Variants in IMMP2L observed in about 807,000 individuals in gnomAD.
IMMP2L encodes the protein mitochondrial inner membrane protease subunit 2.
In IMMP2L, 18 loss-of-function variants were observed where a neutral mutation model predicts 19.3. The observed-to-expected ratio is 0.93, with a 90% CI of 0.64 to 1.38. IMMP2L has a LOEUF of 1.38. Ranked by LOEUF, IMMP2L falls within the 40% of genes most tolerant of loss-of-function variation. IMMP2L has a pLI of 0.00. For synonymous variants in IMMP2L, 76 were observed against 73.0 expected (o/e 1.04, Z -0.21); for missense variants, 233 against 218.2 (o/e 1.07, Z -0.43).
intron 5 of IMMP2L, among the ~76,000 whole-genome samples, chr7:110,798,627 C>T (rs1801029492): frequency 6.6e-6 from 1 of 151,942 alleles, no homozygotes; most frequent in Non-Finnish European, 1.5e-5. Context: ...TGCTAGAAAA[C>T]TAAATTTAAA....
intron 5 of IMMP2L, among the ~76,000 whole-genome samples, chr7:110,826,175 A>G (rs554641748): frequency 4.7e-4 from 72 of 152,334 alleles, no homozygotes; most frequent in South Asian, 4.6e-3. Context: ...ATCATTAAAA[A>G]GTCAGGAAAC....
At chr7:111,045,266 T>C (rs2129571688) in intron 3 of IMMP2L, among the ~76,000 whole-genome samples, 1 of 152,322 alleles carries the variant, frequency 6.6e-6, no homozygotes, top group Admixed American at 6.5e-5. Context: ...ACTCAATCCA[T>C]TAGTAAATTC....
intron 3 of IMMP2L, among the ~76,000 whole-genome samples, chr7:111,031,569 A>G (rs1184717008): frequency 6.6e-6 from 1 of 152,176 alleles, no homozygotes; most frequent in South Asian, 2.1e-4. Flanking sequence ...ACAAGCCTAC[A>G]CAGATATAAA....
intron 4 of IMMP2L, among the ~76,000 whole-genome samples, chr7:110,916,810 T>A (rs1813663548): frequency 6.6e-6 from 1 of 152,240 alleles, no homozygotes; most frequent in East Asian, 1.9e-4. Flanking sequence ...AATCAATGCT[T>A]CTATATTTGA....
chr7:111,344,606 T>C (rs1007939583), intron 3 of IMMP2L, among the ~76,000 whole-genome samples: 1 of 152,210 alleles, frequency 6.6e-6, no homozygotes, highest in Non-Finnish European at 1.5e-5. Flanking sequence ...ATAGGTGTAA[T>C]ATATGCAGAC....
At chr7:111,496,978 T>C (rs1843655756) in intron 2 of IMMP2L, among the ~76,000 whole-genome samples, 1 of 152,188 alleles carries the variant, frequency 6.6e-6, no homozygotes, top group South Asian at 2.1e-4. Flanking sequence ...TGAGATCTAA[T>C]TATAATATAA....
chr7:111,478,367 A>G (rs576088150), intron 3 of IMMP2L, among the ~76,000 whole-genome samples: 1 of 152,080 alleles, frequency 6.6e-6, no homozygotes, highest in South Asian at 2.1e-4. Flanking sequence ...CCACCTTTTC[A>G]TCACTTTAAA....
At chr7:110,735,846 CAAAAAAAAAAA>C (rs59078426) in intron 5 of IMMP2L, among the ~76,000 whole-genome samples, 1 of 47,628 alleles carries the variant, frequency 2.1e-5, no homozygotes, top group South Asian at 1.3e-3. Context: ...CACTCTGCCT[CAAAAAAAAAAA>C]AAAAAAAAAA....
intron 3 of IMMP2L, among the ~76,000 whole-genome samples, chr7:111,035,339 G>C (rs1433620154): frequency 2.0e-5 from 3 of 152,082 alleles, no homozygotes; most frequent in Non-Finnish European, 4.4e-5. Context: ...AAGTAGAAAA[G>C]CAAAATAACA....
At chr7:111,485,459 G>A (rs769223737) in intron 3 of IMMP2L, among the ~76,000 whole-genome samples, 60 of 151,866 alleles carry the variant, frequency 4.0e-4, no homozygotes, top group African/African-American at 1.1e-3. Flanking sequence ...TTAGCTGGGC[G>A]TGGTGGTGGG....
At chr7:111,268,431 T>C (rs946182543) in intron 3 of IMMP2L, among the ~76,000 whole-genome samples, 7 of 133,930 alleles carry the variant, frequency 5.2e-5, no homozygotes. Context: ...AGGAAAACAA[T>C]GCCAAAGAGG....
At chr7:111,070,509 G>A (rs917170939) in intron 3 of IMMP2L, among the ~76,000 whole-genome samples, 2 of 152,008 alleles carry the variant, frequency 1.3e-5, no homozygotes, top group Non-Finnish European at 2.9e-5. Context: ...ACTTATGATT[G>A]GATATTTTTG....
At chr7:110,911,768 G>GACAACATATTTATC (rs1464576419) in intron 4 of IMMP2L, among the ~76,000 whole-genome samples, 1 of 152,114 alleles carries the variant, frequency 6.6e-6, no homozygotes, top group African/African-American at 2.4e-5. Flanking sequence ...TATCAAGGAA[G>GACAACATATTTATC]AAAGAGACAA....
chr7:110,842,386 G>T (rs989315633), intron 5 of IMMP2L, among the ~76,000 whole-genome samples: 3 of 152,164 alleles, frequency 2.0e-5, no homozygotes, highest in Admixed American at 2.0e-4. Flanking sequence ...TTGAAACAGA[G>T]GCTTGAGTTC....
intron 3 of IMMP2L, among the ~76,000 whole-genome samples, chr7:111,097,612 G>C (rs77535264): frequency 4.6e-5 from 7 of 151,734 alleles, no homozygotes; most frequent in Non-Finnish European, 5.9e-5. Flanking sequence ...GTTAAAAATA[G>C]ACATGTATTT....
intron 3 of IMMP2L, among the ~76,000 whole-genome samples, chr7:111,296,007 A>G (rs1821598000): frequency 6.6e-6 from 1 of 150,754 alleles, no homozygotes; most frequent in Non-Finnish European, 1.5e-5. Flanking sequence ...AAAAAGCACT[A>G]AAAATGAAAG....
At chr7:111,351,691 A>G (rs1828178655) in intron 3 of IMMP2L, among the ~76,000 whole-genome samples, 1 of 152,130 alleles carries the variant, frequency 6.6e-6, no homozygotes, top group South Asian at 2.1e-4. Flanking sequence ...TTCCAAAAAC[A>G]AAAGGCACCC....
At chr7:111,556,624 A>T (rs1791396048) in intron 1 of IMMP2L, among the ~76,000 whole-genome samples, 1 of 151,926 alleles carries the variant, frequency 6.6e-6, no homozygotes, top group East Asian at 1.9e-4. Flanking sequence ...GATGATTGTA[A>T]CTTTACAATC....
chr7:110,837,869 G>C (rs1312938173), intron 5 of IMMP2L, among the ~76,000 whole-genome samples: 2 of 152,122 alleles, frequency 1.3e-5, no homozygotes, highest in Admixed American at 6.6e-5. Context: ...TGCCCAGAAG[G>C]CCTGGCAATT....
Sources: allele counts gnomAD v4.1 joint callset (sites outside exome capture counted in the v4.1 genomes callset), GRCh38; gene constraint gnomAD v4.1.1; transcripts MANE v1.5; gene names NCBI Gene and HGNC (gene_info 2026-07-23, HGNC 2026-07-21).